Variants in ASF1A observed in about 807,000 individuals in gnomAD.
The protein encoded by ASF1A is anti-silencing function 1A histone chaperone.
In ASF1A, 5 loss-of-function variants were observed where a neutral mutation model predicts 22.0. The observed-to-expected ratio is 0.23, with a 90% CI of 0.12 to 0.48. The LOEUF (loss-of-function observed/expected upper bound fraction) is 0.48, where lower values mean the gene tolerates loss of function less well. Ranked by LOEUF, ASF1A falls within the 20% of genes least tolerant of loss-of-function variation. The pLI, the probability that ASF1A is intolerant of heterozygous loss-of-function variation, is 0.99. For synonymous variants in ASF1A, 97 were observed against 86.7 expected (o/e 1.12, Z -0.66); for missense variants, 137 against 240.6 (o/e 0.57, Z 2.85).
In ASF1A at chr6:118,908,417, T is replaced by C. The variant is rs1053913862; in HGVS notation, c.*803T>C. 1.3e-5 allele frequency: 2 copies of C among 152,156 alleles called. No individual in the cohort carries two copies. The highest frequency in any genetic ancestry group is 2.9e-5 in the Non-Finnish European group (2 of 67,984). The allele number at this position is 152,156 out of a possible 1,614,324, so 9.4% of individuals were successfully genotyped here. On this transcript the variant is annotated 3_prime_UTR_variant, in exon 4 of 4. Coordinates refer to ENST00000229595, the MANE Select transcript of ASF1A (RefSeq NM_014034.3). ...GATTACAATGGCTCAAATTGGTTCATTTGATTTCTAAAAATACCATGACCT... is the reference window on the plus strand; with the variant it reads ...GATTACAATGGCTCAAATTGGTTCACTTGATTTCTAAAAATACCATGACCT...
At chr6:118,903,603 T>C (rs1161992043) in intron 2 of ASF1A, among the ~76,000 whole-genome samples, 1 of 152,236 alleles carries the variant, frequency 6.6e-6, no homozygotes, top group Non-Finnish European at 1.5e-5. Flanking sequence ...CTATTGATTC[T>C]ACCTTCTGAG....
In ASF1A at chr6:118,905,719, CTTG is replaced by C. The variant is rs1263379601; in HGVS notation, c.295_297del (p.Cys99del). On this transcript the variant is annotated inframe_deletion, in exon 3 of 4. Transcript: ENST00000229595. ...GTAGGCGTAACTGTTGTGCTAATTA[CTTG>C]TACCTATCGAGGACAAGAATTTATT... The C allele has an allele frequency of 6.2e-7, 1 of 1,613,602 alleles. No individual in the cohort carries two copies. The highest frequency in any genetic ancestry group is 8.5e-7 in the Non-Finnish European group (1 of 1,179,708).
chr6:118,909,136 A>G lies in ASF1A; in HGVS notation c.*1522A>G, dbSNP rs149774595. On this transcript the variant is annotated 3_prime_UTR_variant, in exon 4 of 4. Coordinates refer to ENST00000229595, the MANE Select transcript of ASF1A (RefSeq NM_014034.3). ...GCAATTAAAAGAAAAATGTTAAAAT[A>G]TTAAAATGAAAATAAAAGCATTACT... The G allele has an allele frequency of 2.8e-4, 43 of 152,326 alleles. No individual in the cohort carries two copies. The highest frequency in any genetic ancestry group is 1.0e-3 in the African/African-American group (42 of 41,588). The allele number at this position is 152,326 out of a possible 1,614,324, so 9.4% of individuals were successfully genotyped here.
Position 118,904,905 on chromosome 6 carries a change from T to C in ASF1A, c.226-747T>C, listed in dbSNP as rs577554299. Among the ~76,000 whole-genome samples the C allele has an allele frequency of 4.6e-5, 7 of 152,368 alleles. No homozygotes were observed. In the East Asian group the frequency reaches 1.3e-3, roughly 29 times the overall value. The stretch of plus-strand genomic sequence containing the variant: ...CAGGCTGGAGTGCAGTAGTGCGATC[T>C]CAGCTCACTGCAACTTCCACCTCCT... On this transcript the variant is annotated intron_variant, in intron 2 of 3. Coordinates refer to ENST00000229595, the MANE Select transcript of ASF1A (RefSeq NM_014034.3).
chr6:118,897,371 C>G (rs2114501018), intron 1 of ASF1A, among the ~76,000 whole-genome samples: 1 of 152,198 alleles, frequency 6.6e-6, no homozygotes, highest in East Asian at 1.9e-4. Flanking sequence ...CAGCCTGAGA[C>G]CCTGGCTGGA....
intron 2 of ASF1A, among the ~76,000 whole-genome samples, chr6:118,902,169 G>GC (rs1187734881): frequency 6.6e-6 from 1 of 152,152 alleles, no homozygotes; most frequent in Non-Finnish European, 1.5e-5. Flanking sequence ...GTAACAGAAT[G>GC]CCCTGTTCTG....
rs755417692 is a variant in ASF1A, at chr6:118,894,382, C to A, written c.-32C>A. On this transcript the variant is annotated 5_prime_UTR_variant, in exon 1 of 4. Transcript: ENST00000229595. ...GGACTTTATTGTGCCGCAACCAGCC[C>A]CAGTTCCCATTGTTTGTGTTTTTTT... 65 of 1,536,734 alleles carry A rather than the reference C, an allele frequency of 4.2e-5. No individual in the cohort carries two copies. In the East Asian group the frequency reaches 8.3e-4, roughly 20 times the overall value.
At chr6:118,895,190 C>T (rs1158522123) in intron 1 of ASF1A, among the ~76,000 whole-genome samples, 2 of 151,666 alleles carry the variant, frequency 1.3e-5, no homozygotes, top group Non-Finnish European at 2.9e-5. Flanking sequence ...CAGGCTCGGC[C>T]CCTCCGCGCC....
intron 1 of ASF1A, among the ~76,000 whole-genome samples, chr6:118,896,926 A>C (rs1779459082): frequency 6.6e-6 from 1 of 152,106 alleles, no homozygotes; most frequent in Non-Finnish European, 1.5e-5. Flanking sequence ...CTGCAGCCTC[A>C]ACCTGGGCTT....
intron 2 of ASF1A, among the ~76,000 whole-genome samples, chr6:118,902,252 C>T (rs1779846065): frequency 1.3e-5 from 2 of 152,272 alleles, no homozygotes; most frequent in East Asian, 1.9e-4. Flanking sequence ...GTGGCTTTAC[C>T]TCTCTAACCT....
intron 2 of ASF1A, among the ~76,000 whole-genome samples, chr6:118,902,295 G>A (rs1779849066): frequency 6.6e-6 from 1 of 152,116 alleles, no homozygotes; most frequent in Admixed American, 6.5e-5. Flanking sequence ...TCTATAAAAT[G>A]TGGATAATAT....
At chr6:118,905,203 A>C (rs1001908081) in intron 2 of ASF1A, among the ~76,000 whole-genome samples, 1 of 152,214 alleles carries the variant, frequency 6.6e-6, no homozygotes, top group African/African-American at 2.4e-5. Context: ...GTATGAGAAT[A>C]TAAGTATCCT....
chr6:118,894,584 C>G (rs746034575), intron 1 of ASF1A, 62 bp downstream of exon 1: 17 of 1,379,384 alleles, frequency 1.2e-5, no homozygotes, highest in Non-Finnish European at 1.5e-5. Flanking sequence ...GAAAGTTTCC[C>G]GGGCCGGGCC....
chr6:118,904,060 T>C lies in ASF1A; in HGVS notation c.226-1592T>C, dbSNP rs181060902. On this transcript the variant is annotated intron_variant, in intron 2 of 3. Transcript: ENST00000229595. Reference sequence around the variant, plus strand: ...TCCCTTAGAAAAGGGAATACTCTTCTGAGGGTTTTAATAATCTGAGGTTTT... The same window carrying C: ...TCCCTTAGAAAAGGGAATACTCTTCCGAGGGTTTTAATAATCTGAGGTTTT... Among the ~76,000 whole-genome samples, 260 of 151,410 alleles carry C rather than the reference T, an allele frequency of 1.7e-3. 3 individuals carry two copies. Among genetic ancestry groups the C allele is most frequent in the Non-Finnish European group, 7.9e-4 (54 of 67,958 alleles).
At chr6:118,903,888 G>A (rs77650503) in intron 2 of ASF1A, among the ~76,000 whole-genome samples, 3 of 152,092 alleles carry the variant, frequency 2.0e-5, no homozygotes, top group Non-Finnish European at 2.9e-5. Flanking sequence ...TGCTCAGAGC[G>A]TGAAAAGATT....
chr6:118,900,437 G>A (rs1779731003), intron 1 of ASF1A, among the ~76,000 whole-genome samples: 1 of 152,126 alleles, frequency 6.6e-6, no homozygotes, highest in Non-Finnish European at 1.5e-5. Context: ...CTTTACTGAA[G>A]GATATCTCAG....
intron 3 of ASF1A, among the ~76,000 whole-genome samples, chr6:118,907,184 G>A (rs370443125): frequency 3.9e-5 from 6 of 152,218 alleles, no homozygotes; most frequent in African/African-American, 9.6e-5. Flanking sequence ...CAGATTCTCC[G>A]TATCTTGTTT....
At chr6:118,894,614 T>C (rs1779216322) in intron 1 of ASF1A, 92 bp downstream of exon 1, 1 of 1,144,162 alleles carries the variant, frequency 8.7e-7, no homozygotes, top group Non-Finnish European at 1.3e-6. Context: ...GCGGCTGTGT[T>C]CGGCGCCTGG....
At chr6:118,900,157 G>A (rs1169498502) in intron 1 of ASF1A, among the ~76,000 whole-genome samples, 1 of 151,948 alleles carries the variant, frequency 6.6e-6, no homozygotes. Context: ...TTTAAAGAAT[G>A]TATGACACAG....
Sources: gnomAD v4.1 joint callset for allele counts (sites outside exome capture counted in the v4.1 genomes callset) on GRCh38, gnomAD v4.1.1 for gene constraint, MANE v1.5 for transcripts, NCBI Gene and HGNC (gene_info 2026-07-23, HGNC 2026-07-21) for gene names.